FAM163A: variants seen among roughly 807,000 people sequenced by gnomAD.
The protein encoded by FAM163A is protein FAM163A.
FAM163A carries 7 observed loss-of-function variants against 12.0 expected under a neutral mutation model. The observed-to-expected ratio is 0.58, with a 90% CI of 0.33 to 1.10. The LOEUF is 1.10. Ranked by LOEUF, FAM163A falls within the 50% of genes least tolerant of loss-of-function variation. FAM163A has a pLI of 0.03. For synonymous variants in FAM163A, 101 were observed against 91.0 expected, an observed-to-expected ratio of 1.11 and a Z score of -0.62; for missense variants, 202 against 218.6, an observed-to-expected ratio of 0.92 and a Z score of 0.48.
chr1:179,808,009 A>T (rs1694193073), intron 2 of FAM163A, 121 bp downstream of exon 2: 1 of 152,326 alleles, frequency 6.6e-6, no homozygotes, highest in Non-Finnish European at 1.5e-5. Flanking sequence ...TCTTTAGTGG[A>T]CAGCAGGTTT....
At chr1:179,742,625 T>C (rs933597130), upstream of FAM163A, 1 of 152,284 alleles carries the variant, frequency 6.6e-6, no homozygotes, top group Non-Finnish European at 1.5e-5. Flanking sequence ...TCAGAACTTA[T>C]TGGCTGGGCT....
chr1:179,743,457 G>C (rs1323905798), intron 1 of FAM163A, 34 bp downstream of exon 1: 2 of 152,322 alleles, frequency 1.3e-5, no homozygotes, highest in Non-Finnish European at 2.9e-5. Flanking sequence ...GCAGGGGAGC[G>C]AGCGGAGGGG....
Position 179,814,040 on chromosome 1 carries a change from G to T in FAM163A, c.355G>T (p.Gly119Cys), listed in dbSNP as rs1002804094. ...TADMVPNGGG[G>C]ERLSFAPTYY... is the part of the protein sequence containing the mutation. ...TGACATGGTGCCCAATGGGGGTGGA[G>T]GCGAGAGGCTCTCCTTTGCTCCCAC... Residue 119 changes from glycine to cysteine, a missense_variant, in exon 5 of 5, where the codon GGC becomes TGC. Gly to Cys is a radical substitution (Grantham distance 159). Transcript: ENST00000341785. The T allele has an allele frequency of 4.3e-6, 7 of 1,613,674 alleles. No homozygotes were observed. The highest frequency in any genetic ancestry group is 5.9e-6 in the Non-Finnish European group (7 of 1,179,772).
intron 1 of FAM163A, among the ~76,000 whole-genome samples, chr1:179,782,156 C>T (rs73039670): frequency 6.6e-6 from 1 of 152,072 alleles, no homozygotes; most frequent in East Asian, 1.9e-4. Flanking sequence ...GTGGAGTGAG[C>T]ATGCCGGACA....
chr1:179,755,010 A>G (rs1311289619), intron 1 of FAM163A, among the ~76,000 whole-genome samples: 1 of 151,828 alleles, frequency 6.6e-6, no homozygotes, highest in Non-Finnish European at 1.5e-5. Context: ...GGTGGCAGAC[A>G]CCTGTAATCC....
At chr1:179,809,067 A>C (rs1694344541) in intron 2 of FAM163A, among the ~76,000 whole-genome samples, 1 of 152,130 alleles carries the variant, frequency 6.6e-6, no homozygotes. Context: ...AGATTGCAGC[A>C]CTACACTCCA....
At chr1:179,800,690 C>G in intron 1 of FAM163A, among the ~76,000 whole-genome samples, 1 of 152,162 alleles carries the variant, frequency 6.6e-6, no homozygotes, top group South Asian at 2.1e-4. Context: ...GGCTCCATGC[C>G]AGGCATTTTC....
At chr1:179,779,379 T>C (rs4448484) in intron 1 of FAM163A, among the ~76,000 whole-genome samples, 91,123 of 151,926 alleles carry the variant, frequency 0.6, 28,408 homozygotes, top group East Asian at 0.96. Context: ...TGCCTTCAGT[T>C]TGTGGTTAAA....
chr1:179,772,075 C>A (rs986863451), intron 1 of FAM163A, among the ~76,000 whole-genome samples: 3 of 152,172 alleles, frequency 2.0e-5, no homozygotes, highest in Non-Finnish European at 4.4e-5. Context: ...CTCTCCTGCT[C>A]TTATTTTGCA....
At chr1:179,792,629 G>A (rs1266327759) in intron 1 of FAM163A, among the ~76,000 whole-genome samples, 2 of 152,118 alleles carry the variant, frequency 1.3e-5, no homozygotes, top group Non-Finnish European at 2.9e-5. Context: ...CTTACTAGTT[G>A]TGTTACCTTA....
At chr1:179,758,826 C>T (rs1686403388) in intron 1 of FAM163A, among the ~76,000 whole-genome samples, 1 of 152,202 alleles carries the variant, frequency 6.6e-6, no homozygotes, top group African/African-American at 2.4e-5. Flanking sequence ...CCCCAGACTT[C>T]CCCACAGTCT....
chr1:179,756,217 G>T (rs1181055554), intron 1 of FAM163A, among the ~76,000 whole-genome samples: 4 of 152,220 alleles, frequency 2.6e-5, no homozygotes, highest in African/African-American at 9.6e-5. Flanking sequence ...GGTTAGGGTT[G>T]AGTACAGACA....
chr1:179,735,757 C>G, the FAM163A span, among the ~76,000 whole-genome samples: 1 of 152,078 alleles, frequency 6.6e-6, no homozygotes, highest in Non-Finnish European at 1.5e-5. Flanking sequence ...CCCACCTCGG[C>G]CTCCCAAAGT....
At chr1:179,739,664 T>C (rs1261114822), upstream of FAM163A, among the ~76,000 whole-genome samples, 3 of 152,156 alleles carry the variant, frequency 2.0e-5, no homozygotes, top group Non-Finnish European at 4.4e-5. Flanking sequence ...TTATCTAGAC[T>C]ATATAGAGAA....
intron 1 of FAM163A, among the ~76,000 whole-genome samples, chr1:179,795,504 TC>T (rs1437936296): frequency 6.6e-6 from 1 of 152,226 alleles, no homozygotes; most frequent in East Asian, 1.9e-4. Flanking sequence ...TCACTTGCTC[TC>T]CCACACTCCC....
chr1:179,752,776 A>T (rs1371522153), intron 1 of FAM163A, among the ~76,000 whole-genome samples: 1 of 152,244 alleles, frequency 6.6e-6, no homozygotes. Flanking sequence ...GATGGCAGTT[A>T]TCAAAGTATA....
the FAM163A span, among the ~76,000 whole-genome samples, chr1:179,736,939 C>T: frequency 2.0e-5 from 3 of 152,276 alleles, no homozygotes; most frequent in African/African-American, 7.2e-5. Flanking sequence ...AATAATATGA[C>T]ATTTCCTCAA....
intron 1 of FAM163A, among the ~76,000 whole-genome samples, chr1:179,805,188 T>C (rs1693752374): frequency 6.6e-6 from 1 of 152,206 alleles, no homozygotes; most frequent in African/African-American, 2.4e-5. Flanking sequence ...GCCTTATAGT[T>C]ACTGTAAGTT....
intron 1 of FAM163A, among the ~76,000 whole-genome samples, chr1:179,799,428 G>C (rs1291627234): frequency 6.6e-6 from 1 of 152,346 alleles, no homozygotes; most frequent in East Asian, 1.9e-4. Context: ...TCTGGGGTTA[G>C]AAGAGCCAGG....
Sources: gnomAD v4.1 joint callset for allele counts (sites outside exome capture counted in the v4.1 genomes callset) on GRCh38, gnomAD v4.1.1 for gene constraint, MANE v1.5 for transcripts, NCBI Gene and HGNC (gene_info 2026-07-23, HGNC 2026-07-21) for gene names.